The following ULK4 variants were observed in gnomAD, a reference collection of about 807,000 sequenced individuals.
ULK4 encodes the protein inactive serine/threonine-protein kinase ULK4.
A neutral mutation model predicts 160.6 loss-of-function variants in ULK4; 133 were observed. That is an observed-to-expected ratio of 0.83 (90% CI 0.72 to 0.96). ULK4 has a LOEUF of 0.96. Ranked by LOEUF, ULK4 falls within the 40% of genes least tolerant of loss-of-function variation. ULK4 has a pLI of 0.00. For synonymous variants in ULK4, 534 were observed against 539.8 expected (o/e 0.99, Z 0.15); for missense variants, 1,580 against 1,499.5 (o/e 1.05, Z -0.89).
rs192033502 is a variant in ULK4, at chr3:41,372,368, G to A, written c.3678+25711C>T. On this transcript the variant is annotated intron_variant, in intron 35 of 36. Transcript: ENST00000301831. The stretch of plus-strand genomic sequence containing the variant: ...TCAAATTCACCAAGGTTAAAATAAA[G>A]GAAAAAATGTTAAGGGGAGCCAGAG... 8.6e-4 allele frequency among the ~76,000 whole-genome samples: 131 copies of A among 152,168 alleles called. 1 individual carries two copies. Among genetic ancestry groups the A allele is most frequent in the African/African-American group, 2.7e-3 (114 of 41,514 alleles).
In ULK4 at chr3:41,800,277, T is replaced by C; in HGVS notation, c.1865A>G (p.Asn622Ser). 1 of 1,612,524 alleles carries C rather than the reference T, an allele frequency of 6.2e-7. No homozygotes were observed. The highest frequency in any genetic ancestry group is 8.5e-7 in the Non-Finnish European group (1 of 1,179,468). The change falls in exon 20 of 37, where the codon AAT becomes AGT. Residue 622 changes from asparagine (N) to serine (S), a missense_variant. Asn to Ser is a conservative substitution (Grantham distance 46). Transcript: ENST00000301831. ...TTCAATAATTTTTGCTGCCATGTGATTCACAACACGCTCTTCCTATAGAGA... is the reference window on the plus strand; with the variant it reads ...TTCAATAATTTTTGCTGCCATGTGACTCACAACACGCTCTTCCTATAGAGA... ...CLREGEERVV[N>S]HMAAKIIENV...
intron 35 of ULK4, among the ~76,000 whole-genome samples, chr3:41,300,274 A>C (rs1009563816): frequency 2.6e-5 from 4 of 152,216 alleles, no homozygotes; most frequent in African/African-American, 9.7e-5. Context: ...GAACTAACTA[A>C]GGAAGAGGTC....
intron 10 of ULK4, 26 bp downstream of exon 10, chr3:41,911,515 C>T: frequency 1.3e-6 from 2 of 1,591,822 alleles, no homozygotes; most frequent in Non-Finnish European, 1.7e-6. Flanking sequence ...TTCTAAGTAG[C>T]ATGAATGTGC....
At chr3:41,733,643 C>A (rs2037911332) in intron 22 of ULK4, among the ~76,000 whole-genome samples, 1 of 151,238 alleles carries the variant, frequency 6.6e-6, no homozygotes, top group African/African-American at 2.4e-5. Context: ...ATGTTTTCTC[C>A]CAAAAAGACT....
chr3:41,345,638 C>T (rs542164863), intron 35 of ULK4, among the ~76,000 whole-genome samples: 5 of 151,984 alleles, frequency 3.3e-5, no homozygotes, highest in South Asian at 4.2e-4. Context: ...TTGGGGGTGG[C>T]GGGAAGGAGA....
At chr3:41,412,577 T>C (rs1472701913) in intron 34 of ULK4, among the ~76,000 whole-genome samples, 1 of 110,820 alleles carries the variant, frequency 9.0e-6, no homozygotes, top group African/African-American at 3.9e-5. Context: ...TTTTTTTTTT[T>C]TGAGACAGAG....
At chr3:41,933,029 G>A (rs371241689) in intron 4 of ULK4, among the ~76,000 whole-genome samples, 21 of 152,308 alleles carry the variant, frequency 1.4e-4, no homozygotes, top group East Asian at 7.7e-4. Flanking sequence ...GCATGAGAGC[G>A]AGACCCTGTC....
chr3:41,345,764 C>A (rs1280547607), intron 35 of ULK4, among the ~76,000 whole-genome samples: 1 of 152,088 alleles, frequency 6.6e-6, no homozygotes, highest in African/African-American at 2.4e-5. Flanking sequence ...ACATCCTGCA[C>A]ATGTACACAT....
intron 17 of ULK4, among the ~76,000 whole-genome samples, chr3:41,865,692 G>A (rs139051162): frequency 5.5e-4 from 83 of 152,156 alleles, no homozygotes; most frequent in African/African-American, 1.9e-3. Flanking sequence ...CTCAAAGAAG[G>A]TGCTCATTAA....
chr3:41,350,715 A>T (rs193007192), intron 35 of ULK4, among the ~76,000 whole-genome samples: 141 of 152,312 alleles, frequency 9.3e-4, no homozygotes, highest in African/African-American at 3.4e-3. Context: ...ATCAGAGAAG[A>T]GATACAGAAA....
chr3:41,366,573 A>ACACACACACACACACACACACACACACT (rs4016417), intron 35 of ULK4, among the ~76,000 whole-genome samples: 2 of 151,556 alleles, frequency 1.3e-5, no homozygotes, highest in Admixed American at 6.6e-5. Flanking sequence ...ACACACACAC[A>ACACACACACACACACACACACACACACT]CTTTATCTAT....
At chr3:41,920,681 A>C (rs1699151835) in intron 5 of ULK4, among the ~76,000 whole-genome samples, 1 of 152,130 alleles carries the variant, frequency 6.6e-6, no homozygotes. Flanking sequence ...GAAGAAAGTA[A>C]TCTCCAATGA....
At chr3:41,509,980 A>T (rs1482238709) in intron 32 of ULK4, among the ~76,000 whole-genome samples, 1 of 152,228 alleles carries the variant, frequency 6.6e-6, no homozygotes, top group Non-Finnish European at 1.5e-5. Flanking sequence ...TTCACATCTC[A>T]GTACTAACGT....
At position 41,911,747 on chromosome 3, in the gene ULK4, T is replaced by C. The variant is rs1575935081; in HGVS notation, c.897-88A>G. On this transcript the variant is annotated intron_variant, in intron 9 of 36. Transcript: ENST00000301831. Reference sequence around the variant, plus strand: ...GAGAAAAAGAGGTTGGAGAAGATAATTAAATTACACATGACATTTAGCAAA... The same window carrying C: ...GAGAAAAAGAGGTTGGAGAAGATAACTAAATTACACATGACATTTAGCAAA... The C allele has an allele frequency of 1.1e-5, 11 of 976,416 alleles. No individual in the cohort carries two copies. The East Asian group carries it at 2.6e-4, about 23-fold the overall frequency. The allele number at this position is 976,416 out of a possible 1,614,324, so 60.5% of individuals were successfully genotyped here.
intron 8 of ULK4, among the ~76,000 whole-genome samples, chr3:41,913,869 G>A (rs1404843069): frequency 6.6e-6 from 1 of 152,094 alleles, no homozygotes; most frequent in Non-Finnish European, 1.5e-5. Flanking sequence ...AGGCTGAGGT[G>A]GAAGAATCTC....
chr3:41,565,175 A>T (rs2087742093), intron 32 of ULK4, among the ~76,000 whole-genome samples: 1 of 152,234 alleles, frequency 6.6e-6, no homozygotes, highest in East Asian at 1.9e-4. Flanking sequence ...ACACAATGAT[A>T]AAACTGCCTA....
intron 17 of ULK4, among the ~76,000 whole-genome samples, chr3:41,848,727 C>A (rs1318632331): frequency 2.0e-5 from 3 of 152,214 alleles, no homozygotes; most frequent in Non-Finnish European, 1.5e-5. Flanking sequence ...CAGAAACCCT[C>A]AGGAGCTGCC....
At chr3:41,916,118 C>G (rs1196979638) in intron 7 of ULK4, 66 bp from the exon 8 acceptor site, 2 of 1,005,634 alleles carry the variant, frequency 2.0e-6, no homozygotes, top group African/African-American at 1.7e-5. Context: ...TTATTTTTAT[C>G]TCTTACATCA....
chr3:41,361,387 C>T (rs1295771997), intron 35 of ULK4, among the ~76,000 whole-genome samples: 1 of 152,064 alleles, frequency 6.6e-6, no homozygotes, highest in African/African-American at 2.4e-5. Context: ...ACAAAATTAA[C>T]AAAAAATATG....
Sources: gnomAD v4.1 joint callset for allele counts (sites outside exome capture counted in the v4.1 genomes callset) on GRCh38, gnomAD v4.1.1 for gene constraint, MANE v1.5 for transcripts, NCBI Gene and HGNC (gene_info 2026-07-23, HGNC 2026-07-21) for gene names.